CCDC180: variants seen among roughly 807,000 people sequenced by gnomAD.
The protein encoded by CCDC180 is coiled-coil domain-containing protein 180.
Under a neutral mutation model 209.2 loss-of-function variants are expected in CCDC180, and 154 were observed. The observed-to-expected ratio is 0.74, with a 90% CI of 0.65 to 0.84. The LOEUF is 0.84. CCDC180 is among the 40% of genes least tolerant of loss of function. The pLI, the probability that CCDC180 is intolerant of heterozygous loss-of-function variation, is 0.00. For synonymous variants in CCDC180, 778 were observed against 749.1 expected, an observed-to-expected ratio of 1.04 and a Z score of -0.63; for missense variants, 1,874 against 1,997.3, an observed-to-expected ratio of 0.94 and a Z score of 1.18.
chr9:97,313,338 TG>T lies in CCDC180; in HGVS notation c.455del (p.Gly152GlufsTer16), dbSNP rs776225939. On this transcript the variant is annotated frameshift_variant, in exon 5 of 37. Transcript: ENST00000529487. LOFTEE classifies it high-confidence loss of function. Reference protein sequence around the residue: ...LASFQEEIAQVGKEMEPLIVD... With the variant: ...LASFQEEIAQXGKEMEPLIVD... ...AGCTTTCAGGAGGAGATTGCGCAGG[TG>T]GGAAAGGTGAGAATCCTCCCTCTCC... 1.9e-6 allele frequency: 3 copies of T among 1,608,312 alleles called. No homozygotes were observed. The highest frequency in any genetic ancestry group is 2.6e-6 in the Non-Finnish European group (3 of 1,175,482).
intron 18 of CCDC180, among the ~76,000 whole-genome samples, chr9:97,340,767 C>G (rs1587811451): frequency 6.6e-6 from 1 of 152,124 alleles, no homozygotes. Flanking sequence ...TGTCAAGGGA[C>G]AACACCCGCT....
intron 2 of CCDC180, among the ~76,000 whole-genome samples, chr9:97,308,797 G>A (rs531300718): frequency 6.6e-6 from 1 of 152,138 alleles, no homozygotes; most frequent in Non-Finnish European, 1.5e-5. Flanking sequence ...AATTATAAAA[G>A]TATAAAGAAG....
chr9:97,307,475 C>A, upstream of CCDC180: 1 of 594,702 alleles, frequency 1.7e-6, no homozygotes, highest in Non-Finnish European at 3.1e-6. Flanking sequence ...ACTTGGCGGG[C>A]TAGGGAGGGG....
chr9:97,360,151 G>T (rs369637684), intron 26 of CCDC180, 50 bp downstream of exon 26: 49 of 1,599,524 alleles, frequency 3.1e-5, no homozygotes, highest in Non-Finnish European at 3.4e-6. Context: ...CTGTTGTCTG[G>T]GCTCCCAGGA....
intron 34 of CCDC180, 52 bp downstream of exon 34, chr9:97,371,758 T>C: frequency 8.1e-7 from 1 of 1,231,994 alleles, no homozygotes; most frequent in Non-Finnish European, 1.2e-6. Flanking sequence ...TGGTGAGGGC[T>C]AGGTTGGGCA....
chr9:97,372,698 A>G (rs1376757203), intron 34 of CCDC180: 1 of 152,044 alleles, frequency 6.6e-6, no homozygotes, highest in Non-Finnish European at 1.5e-5. Context: ...CATCTCTACT[A>G]AAAATTTAAA....
chr9:97,352,114 A>AAACAACAAC (rs3052473), intron 22 of CCDC180, among the ~76,000 whole-genome samples: 3,631 of 150,508 alleles, frequency 0.024, 53 homozygotes, highest in Middle Eastern at 0.034. Flanking sequence ...TTCCATCTCA[A>AAACAACAAC]AACAACAACA....
intron 12 of CCDC180, among the ~76,000 whole-genome samples, 184 bp from the exon 13 acceptor site, chr9:97,323,597 A>G (rs1369931019): frequency 1.3e-5 from 2 of 152,194 alleles, no homozygotes; most frequent in Admixed American, 1.3e-4. Context: ...GAGCTCCTGC[A>G]TGCCTCTCCA....
In CCDC180 at chr9:97,325,211, G is replaced by T; in HGVS notation, c.1545+19G>T. On this transcript the variant is annotated intron_variant, in intron 14 of 36. Transcript: ENST00000529487. ...GAGCCAGGTGAGACCCACACCCGGG[G>T]CTCCATGTTTCACACCACAAACAGC... is the stretch of plus-strand genomic sequence containing the variant. 6.4e-7 allele frequency: 1 copy of T among 1,569,578 alleles called. No individual in the cohort carries two copies. The highest frequency in any genetic ancestry group is 8.6e-7 in the Non-Finnish European group (1 of 1,156,422).
intron 26 of CCDC180, among the ~76,000 whole-genome samples, chr9:97,361,111 T>C (rs1488700939): frequency 6.6e-6 from 1 of 152,142 alleles, no homozygotes; most frequent in Non-Finnish European, 1.5e-5. Flanking sequence ...AGGACTTCAC[T>C]CAAGGGACTG....
At chr9:97,313,457 A>C in intron 5 of CCDC180, 112 bp downstream of exon 5, 6 of 691,688 alleles carry the variant, frequency 8.7e-6, no homozygotes, top group Non-Finnish European at 1.5e-5. Flanking sequence ...TCAGGGGCTC[A>C]CAGAGCCTTA....
intron 18 of CCDC180, among the ~76,000 whole-genome samples, chr9:97,338,676 G>T (rs554257965): frequency 2.0e-5 from 3 of 152,276 alleles, no homozygotes; most frequent in African/African-American, 7.2e-5. Flanking sequence ...TGTCTATTAG[G>T]TCTGCTTGGT....
chr9:97,342,254 C>T (rs757005507), intron 18 of CCDC180, among the ~76,000 whole-genome samples: 1 of 152,194 alleles, frequency 6.6e-6, no homozygotes, highest in Non-Finnish European at 1.5e-5. Context: ...CCATCTTCTG[C>T]GTTGATCGTG....
Position 97,363,952 on chromosome 9 carries a change from C to T in CCDC180, c.3903-99C>T, listed in dbSNP as rs142811248. On this transcript the variant is annotated intron_variant, in intron 28 of 36. Transcript: ENST00000529487. ...GGAAGTCCGGTTGCCCACGGGCAGGCCCAATGCCTCCAGAAACCCAGGCAG... is the reference window on the plus strand; with the variant it reads ...GGAAGTCCGGTTGCCCACGGGCAGGTCCAATGCCTCCAGAAACCCAGGCAG... The T allele has an allele frequency of 2.8e-4, 332 of 1,187,194 alleles. 1 individual carries two copies. The African/African-American group carries it at 3.9e-3, about 14-fold the overall frequency. The allele number at this position is 1,187,194 out of a possible 1,614,324, so 73.5% of individuals were successfully genotyped here.
chr9:97,345,618 G>T (rs1383558798), intron 19 of CCDC180: 1 of 407,634 alleles, frequency 2.5e-6, no homozygotes, highest in Non-Finnish European at 4.8e-6. Context: ...GGGCATGGTG[G>T]TGTGTGCCTG....
chr9:97,361,714 T>C lies in CCDC180; in HGVS notation c.3484-12T>C. Reference sequence around the variant, plus strand: ...GTCCTTACACCCTCAGGCCCTTCTCTCTGGCCTGCAGAACACCATCCTGAA... The same window carrying C: ...GTCCTTACACCCTCAGGCCCTTCTCCCTGGCCTGCAGAACACCATCCTGAA... On this transcript the variant is annotated splice_polypyrimidine_tract_variant and intron_variant, in intron 26 of 36. Coordinates refer to ENST00000529487, the MANE Select transcript of CCDC180 (RefSeq NM_020893.6). 6.2e-7 allele frequency: 1 copy of C among 1,613,368 alleles called. No homozygotes were observed. The highest frequency in any genetic ancestry group is 2.2e-5 in the East Asian group (1 of 44,872).
chr9:97,314,353 G>C (rs1469800164), intron 5 of CCDC180, 40 bp from the exon 6 acceptor site: 2 of 1,612,738 alleles, frequency 1.2e-6, no homozygotes, highest in Non-Finnish European at 1.7e-6. Context: ...CTTCCCAGGG[G>C]TGCTGATGCC....
Position 97,330,136 on chromosome 9 carries a change from C to T in CCDC180, c.1789-18C>T. ...AGGCAGTGCAGGTCCTTCAGTGACTCTTGGTTTTTCCTTGTAGAACTTGGC... is the reference window on the plus strand; with the variant it reads ...AGGCAGTGCAGGTCCTTCAGTGACTTTTGGTTTTTCCTTGTAGAACTTGGC... On this transcript the variant is annotated intron_variant, in intron 16 of 36. Coordinates refer to ENST00000529487, the MANE Select transcript of CCDC180 (RefSeq NM_020893.6). 1 of 1,584,846 alleles carries T rather than the reference C, an allele frequency of 6.3e-7. No individual in the cohort carries two copies. Among genetic ancestry groups the T allele is most frequent in the Non-Finnish European group, 8.6e-7 (1 of 1,157,256 alleles).
chr9:97,377,057 C>G lies in CCDC180; in HGVS notation c.*163C>G. 1 of 663,108 alleles carries G rather than the reference C, an allele frequency of 1.5e-6. No individual in the cohort carries two copies. Among genetic ancestry groups the G allele is most frequent in the South Asian group, 2.5e-5 (1 of 40,702 alleles). 41.1% of individuals were successfully genotyped at this position (663,108 alleles called of 1,614,324 possible). ...CAGCGAACAGGACACAGCATGGTCCCTGCCCACGTGGAGCCCTCTTCCCAT... is the reference window on the plus strand; with the variant it reads ...CAGCGAACAGGACACAGCATGGTCCGTGCCCACGTGGAGCCCTCTTCCCAT... On this transcript the variant is annotated 3_prime_UTR_variant, in exon 37 of 37. Transcript: ENST00000529487.
Sources: allele counts gnomAD v4.1 joint callset (sites outside exome capture counted in the v4.1 genomes callset), GRCh38; gene constraint gnomAD v4.1.1; transcripts MANE v1.5; gene names NCBI Gene and HGNC (gene_info 2026-07-23, HGNC 2026-07-21).